DNAH10: variants seen among roughly 807,000 people sequenced by gnomAD.
DNAH10 encodes dynein axonemal heavy chain 10, also known as axonemal beta dynein heavy chain 10.
A neutral mutation model predicts 506.6 loss-of-function variants in DNAH10; 348 were observed. The ratio of observed to expected loss-of-function variants is 0.69; its 90% CI spans 0.63 to 0.75. The LOEUF is 0.75. Ranked by LOEUF, DNAH10 falls within the 30% of genes least tolerant of loss-of-function variation. The pLI, the probability that DNAH10 is intolerant of heterozygous loss-of-function variation, is 0.00. For synonymous variants in DNAH10, 2,059 were observed against 2,198.6 expected, an observed-to-expected ratio of 0.94 and a Z score of 1.78; for missense variants, 5,179 against 5,787.1, an observed-to-expected ratio of 0.89 and a Z score of 3.41.
At chr12:123,862,323 ATCC>A (rs546405184) in intron 39 of DNAH10, among the ~76,000 whole-genome samples, 6 of 150,922 alleles carry the variant, frequency 4.0e-5, no homozygotes, top group East Asian at 1.9e-4. Context: ...GAATCTGGTC[ATCC>A]TCCTCCTCCT....
intron 56 of DNAH10, among the ~76,000 whole-genome samples, chr12:123,901,765 A>G (rs1953532955): frequency 6.6e-6 from 1 of 152,038 alleles, no homozygotes; most frequent in Non-Finnish European, 1.5e-5. Context: ...GGTTTAAGCG[A>G]TTCTCCTGCC....
intron 13 of DNAH10, among the ~76,000 whole-genome samples, chr12:123,797,889 G>A (rs940652903): frequency 6.6e-6 from 1 of 152,180 alleles, no homozygotes. Flanking sequence ...TGAAGATCCC[G>A]ATAGTAAATA....
At chr12:123,935,311 A>T (rs1291440832) in intron 78 of DNAH10, 24 bp from the exon 79 acceptor site, 1 of 1,592,270 alleles carries the variant, frequency 6.3e-7, no homozygotes, top group Non-Finnish European at 8.6e-7. Flanking sequence ...CCGTGGGGGC[A>T]TCTCACCTGC....
At chr12:123,920,493 A>T (rs1053927313) in intron 65 of DNAH10, among the ~76,000 whole-genome samples, 2 of 152,224 alleles carry the variant, frequency 1.3e-5, no homozygotes, top group Non-Finnish European at 2.9e-5. Context: ...TTTTTAGCAA[A>T]AACAGGCAGC....
intron 52 of DNAH10, among the ~76,000 whole-genome samples, chr12:123,891,861 G>A (rs1174471185): frequency 1.3e-5 from 2 of 152,182 alleles, no homozygotes; most frequent in African/African-American, 2.4e-5. Flanking sequence ...GTGCATGGGG[G>A]ACCCTAGGGA....
Position 123,916,125 on chromosome 12 carries a change from C to G in DNAH10, c.10723-332C>G, listed in dbSNP as rs996247886. 6.6e-6 allele frequency among the ~76,000 whole-genome samples: 1 copy of G among 152,184 alleles called. No individual in the cohort carries two copies. The highest frequency in any genetic ancestry group is 1.5e-5 in the Non-Finnish European group (1 of 68,040). On this transcript the variant is annotated intron_variant, in intron 62 of 78. Coordinates refer to ENST00000673944, the MANE Select transcript of DNAH10 (RefSeq NM_001372106.1). This position sits in a 1 kb window ranked among gnomAD's most constrained non-coding sequence, Gnocchi z 4.6. Reference sequence around the variant, plus strand: ...AACTTTTCTAGACTCCCTCTTCCCTCAGCCTGCCAGGGAGCACTGAAATTG... The same window carrying G: ...AACTTTTCTAGACTCCCTCTTCCCTGAGCCTGCCAGGGAGCACTGAAATTG...
At position 123,902,413 on chromosome 12, in the gene DNAH10, C is replaced by T. The variant is rs1488989577; in HGVS notation, c.9641-526C>T. On this transcript the variant is annotated intron_variant, in intron 56 of 78. Coordinates refer to ENST00000673944, the MANE Select transcript of DNAH10 (RefSeq NM_001372106.1). This position sits in a 1 kb window ranked among gnomAD's most constrained non-coding sequence, Gnocchi z 4.5. The stretch of plus-strand genomic sequence containing the variant: ...TGACATCCTAGTGAGTGAGGGCACC[C>T]AGGCAGTGAATCAGCCAGTGGTGAA... 6.6e-6 allele frequency among the ~76,000 whole-genome samples: 1 copy of T among 152,146 alleles called. No homozygotes were observed. The highest frequency in any genetic ancestry group is 1.5e-5 in the Non-Finnish European group (1 of 68,030).
intron 56 of DNAH10, among the ~76,000 whole-genome samples, chr12:123,900,732 G>T (rs1038370424): frequency 2.0e-5 from 3 of 152,190 alleles, no homozygotes; most frequent in East Asian, 1.9e-4. Context: ...CTGGATCTAG[G>T]ATTCAAATGT....
intron 65 of DNAH10, among the ~76,000 whole-genome samples, chr12:123,921,200 C>G (rs542842163): frequency 1.4e-4 from 22 of 152,306 alleles, no homozygotes; most frequent in African/African-American, 4.8e-4. Context: ...ACATGTAGTT[C>G]TTTTCTCATG....
intron 16 of DNAH10, among the ~76,000 whole-genome samples, chr12:123,802,278 A>T (rs1370818787): frequency 6.6e-6 from 1 of 152,130 alleles, no homozygotes; most frequent in East Asian, 1.9e-4. Context: ...GCTGAGTTGC[A>T]CGGTAGTTGC....
At chr12:123,794,237 G>A (rs1958192352) in intron 12 of DNAH10, 125 bp downstream of exon 12, 4 of 741,218 alleles carry the variant, frequency 5.4e-6, no homozygotes, top group Admixed American at 1.1e-4. Context: ...TCCCAAATTA[G>A]CATGTTACGT....
At chr12:123,826,150 A>G (rs1959970702) in intron 24 of DNAH10, among the ~76,000 whole-genome samples, 1 of 152,178 alleles carries the variant, frequency 6.6e-6, no homozygotes, top group Non-Finnish European at 1.5e-5. Flanking sequence ...TAATTTTTAC[A>G]TTAAATCTCA....
Position 123,875,329 on chromosome 12 carries a change from C to T in DNAH10, c.8037C>T (p.Ser2679=). 2 of 1,613,884 alleles carry T rather than the reference C, an allele frequency of 1.2e-6. No homozygotes were observed. The highest frequency in any genetic ancestry group is 1.7e-6 in the Non-Finnish European group (2 of 1,179,830). Residue 2679 remains serine, a synonymous_variant, in exon 47 of 79, where the codon AGC becomes AGT. Coordinates refer to ENST00000673944, the MANE Select transcript of DNAH10 (RefSeq NM_001372106.1). ...YDRGKELNCK[S]IRDLGFIAAM... is the part of the protein sequence containing the mutation. The stretch of plus-strand genomic sequence containing the variant: ...GTGGGAAGGAGCTGAACTGTAAAAG[C>T]ATTCGAGACCTTGGCTTTATTGCTG...
At chr12:123,843,551 A>G (rs1456655553) in intron 30 of DNAH10, among the ~76,000 whole-genome samples, 2 of 151,960 alleles carry the variant, frequency 1.3e-5, no homozygotes, top group African/African-American at 4.8e-5. Context: ...GGTCAATGTT[A>G]TTTTTATTGC....
At chr12:123,900,044 G>GAAGA (rs1953449105) in intron 56 of DNAH10, among the ~76,000 whole-genome samples, 1 of 152,146 alleles carries the variant, frequency 6.6e-6, no homozygotes, top group Non-Finnish European at 1.5e-5. Flanking sequence ...CCTGTCGCCT[G>GAAGA]CTCACAGCAT....
Position 123,914,437 on chromosome 12 carries a change from C to G in DNAH10, c.10461C>G (p.Phe3487Leu). ...ACGAGGGAGCCTTCACCTGGGAGTT[C>G]CGTGACGAGATGGTCAATCGGATTT... ...LSYEGAFTWE[F>L]RDEMVNRIWQ... Residue 3487 changes from phenylalanine to leucine, a missense_variant, in exon 61 of 79, where the codon TTC becomes TTG. By Grantham distance (22) the Phe-to-Leu change is conservative. Transcript: ENST00000673944. The G allele has an allele frequency of 6.2e-7, 1 of 1,613,760 alleles. No homozygotes were observed. The highest frequency in any genetic ancestry group is 8.5e-7 in the Non-Finnish European group (1 of 1,179,906).
chr12:123,774,262 CA>C lies in DNAH10; in HGVS notation c.620del (p.Gln207ArgfsTer43). The C allele has an allele frequency of 6.3e-7, 1 of 1,578,938 alleles. No homozygotes were observed. The highest frequency in any genetic ancestry group is 8.6e-7 in the Non-Finnish European group (1 of 1,161,726). ...VLHFLKNIIC[Q>X]VFLPALSFNQ... The stretch of plus-strand genomic sequence containing the variant: ...CCATTTTCTGAAGAATATTATATGT[CA>C]GGTAAACATGGAGAAAGGAAGAAAT... On this transcript the variant is annotated frameshift_variant and splice_region_variant, in exon 5 of 79. Transcript: ENST00000673944. LOFTEE classifies it high-confidence loss of function.
intron 11 of DNAH10, among the ~76,000 whole-genome samples, chr12:123,793,218 C>G (rs1442366930): frequency 1.3e-5 from 2 of 152,126 alleles, no homozygotes; most frequent in Admixed American, 1.3e-4. Context: ...CACACTGACT[C>G]CCTTCCTGGG....
chr12:123,841,317 T>C lies in DNAH10; in HGVS notation c.5137-5T>C. ...TCTTACAGGGCTGCCTCTCCCTGTT[T>C]GCAGATGTACGACAACATAGCATCA... is the stretch of plus-strand genomic sequence containing the variant. On this transcript the variant is annotated splice_region_variant and splice_polypyrimidine_tract_variant and intron_variant, in intron 29 of 78. Transcript: ENST00000673944. The C allele has an allele frequency of 4.3e-6, 7 of 1,613,960 alleles. No homozygotes were observed. Among genetic ancestry groups the C allele is most frequent in the Non-Finnish European group, 5.9e-6 (7 of 1,179,854 alleles).
Sources: allele counts gnomAD v4.1 joint callset (sites outside exome capture counted in the v4.1 genomes callset), GRCh38; gene constraint gnomAD v4.1.1; non-coding constraint Gnocchi (gnomAD v3.1); transcripts MANE v1.5; gene names NCBI Gene and HGNC (gene_info 2026-07-23, HGNC 2026-07-21).